The following EIF6 variants were observed in gnomAD, a reference collection of about 807,000 sequenced individuals.
EIF6 encodes eukaryotic translation initiation factor 6.
A neutral mutation model predicts 25.5 loss-of-function variants in EIF6; 10 were observed. The observed-to-expected ratio is 0.39, with a 90% CI of 0.24 to 0.66. The LOEUF (loss-of-function observed/expected upper bound fraction) is 0.66, where lower values mean the gene tolerates loss of function less well. EIF6 is among the 30% of genes least tolerant of loss of function. The probability of loss-of-function intolerance (pLI) is 0.45; values close to 1 mark genes in which losing one functional copy is unlikely to be tolerated. For synonymous variants in EIF6, 122 were observed against 122.6 expected, an observed-to-expected ratio of 1.00 and a Z score of 0.03; for missense variants, 246 against 315.4, an observed-to-expected ratio of 0.78 and a Z score of 1.67.
At chr20:35,281,562 C>T (rs1277623323) in intron 3 of EIF6, among the ~76,000 whole-genome samples, 4 of 152,092 alleles carry the variant, frequency 2.6e-5, no homozygotes, top group South Asian at 2.1e-4. Context: ...TCTCCTGCTT[C>T]GGCCTCCTGA....
intron 3 of EIF6, among the ~76,000 whole-genome samples, chr20:35,281,391 AAAAAAAAC>A (rs571008941): frequency 2.4e-3 from 371 of 151,560 alleles, no homozygotes; most frequent in African/African-American, 8.5e-3. Context: ...GTCTCCAAAA[AAAAAAAAC>A]AAAAAAACAA....
Position 35,280,759 on chromosome 20 carries a change from G to A in EIF6, c.264C>T (p.Leu88=). 2 of 1,614,172 alleles carry A rather than the reference G, an allele frequency of 1.2e-6. No homozygotes were observed. The highest frequency in any genetic ancestry group is 1.7e-6 in the Non-Finnish European group (2 of 1,180,028). Residue 88 remains leucine (L), a synonymous_variant, in exon 4 of 7, where the codon CTC becomes CTT. Transcript: ENST00000374450. ...CCCGCCTAATCTGCACTGTGTCTGG[G>A]AGGCTGTTGCGAATGTGTTGCAGCT... ...DQELQHIRNS[L]PDTVQIRRVE...
Position 35,279,200 on chromosome 20 carries a change from G to A in EIF6, c.735C>T (p.Thr245=). The change falls in exon 7 of 7, where the codon ACC becomes ACT. Residue 245 remains threonine (T), a synonymous_variant. Coordinates refer to ENST00000374450, the MANE Select transcript of EIF6 (RefSeq NM_002212.4). The part of the protein sequence containing the change: ...SMRDSLIDSL[T] The stretch of plus-strand genomic sequence containing the variant: ...ATGGAACAACTTGGAAGGTGACTCA[G>A]GTGAGGCTGAAGAGAAAGGAAAGCG... The A allele has an allele frequency of 6.2e-7, 1 of 1,613,932 alleles. No homozygotes were observed.
Position 35,279,207 on chromosome 20 carries a change from C to T in EIF6, c.729-1G>A. ...AACTTGGAAGGTGACTCAGGTGAGGCTGAAGAGAAAGGAAAGCGCACGGTC... is the reference window on the plus strand; with the variant it reads ...AACTTGGAAGGTGACTCAGGTGAGGTTGAAGAGAAAGGAAAGCGCACGGTC... On this transcript the variant is annotated splice_acceptor_variant, in intron 6 of 6. Coordinates refer to ENST00000374450, the MANE Select transcript of EIF6 (RefSeq NM_002212.4). LOFTEE classifies it high-confidence loss of function. 6.2e-7 allele frequency: 1 copy of T among 1,613,758 alleles called. No individual in the cohort carries two copies. Among genetic ancestry groups the T allele is most frequent in the Non-Finnish European group, 8.5e-7 (1 of 1,179,866 alleles).
intron 1 of EIF6, 32 bp from the exon 2 acceptor site, chr20:35,284,524 G>T: frequency 6.4e-7 from 1 of 1,567,364 alleles, no homozygotes. Flanking sequence ...GTTCAAGGCC[G>T]GCGGATCCTT....
intron 3 of EIF6, 71 bp downstream of exon 3, chr20:35,284,105 G>A (rs1243269710): frequency 1.3e-6 from 2 of 1,507,468 alleles, no homozygotes; most frequent in Admixed American, 4.1e-5. Flanking sequence ...GTCACTCCGG[G>A]TTCCCTCCGG....
At position 35,279,927 on chromosome 20, in the gene EIF6, G is replaced by A. The variant is rs934143137; in HGVS notation, c.546+15C>T. On this transcript the variant is annotated intron_variant, in intron 5 of 6. Transcript: ENST00000374450. ...CTGCCTCGGGAGACGGGGTTCAGAG[G>A]ACAGGAATGCTTACCACAAGGGGGA... 2.5e-6 allele frequency: 4 copies of A among 1,612,094 alleles called. No homozygotes were observed. The highest frequency in any genetic ancestry group is 1.1e-5 in the South Asian group (1 of 91,032).
chr20:35,280,513 T>C, intron 4 of EIF6, 141 bp downstream of exon 4: 1 of 1,013,332 alleles, frequency 9.9e-7, no homozygotes, highest in Non-Finnish European at 1.4e-6. Context: ...TTATCACTAT[T>C]CCAATGAGTA....
At chr20:35,279,827 CCT>C in intron 5 of EIF6, 80 bp from the exon 6 acceptor site, 3 of 1,592,002 alleles carry the variant, frequency 1.9e-6, no homozygotes, top group Non-Finnish European at 2.6e-6. Flanking sequence ...AAACCCTGCT[CCT>C]CCCTGACCTG....
intron 3 of EIF6, among the ~76,000 whole-genome samples, chr20:35,282,800 G>C (rs2060788247): frequency 6.6e-6 from 1 of 151,872 alleles, no homozygotes; most frequent in Admixed American, 6.6e-5. Flanking sequence ...AGTAGAGACG[G>C]GGTTTCTCCA....
At chr20:35,284,013 G>C (rs113084671) in intron 3 of EIF6, among the ~76,000 whole-genome samples, 163 bp downstream of exon 3, 2,135 of 152,306 alleles carry the variant, frequency 0.014, 37 homozygotes, top group African/African-American at 0.038. Flanking sequence ...CTTTGCTAGA[G>C]GGTTGCCCCG....
At chr20:35,279,232 C>T in intron 6 of EIF6, 26 bp from the exon 7 acceptor site, 2 of 1,612,512 alleles carry the variant, frequency 1.2e-6, no homozygotes, top group Middle Eastern at 1.7e-4. Context: ...AGCGCACGGT[C>T]AGTAGCTGTT....
chr20:35,283,879 G>A (rs1429832908), intron 3 of EIF6, among the ~76,000 whole-genome samples: 1 of 152,118 alleles, frequency 6.6e-6, no homozygotes, highest in Non-Finnish European at 1.5e-5. Context: ...CTTAGGTCAA[G>A]TCTCAACTTC....
At chr20:35,284,080 C>T (rs566320963) in intron 3 of EIF6, 96 bp downstream of exon 3, 18 of 1,418,680 alleles carry the variant, frequency 1.3e-5, no homozygotes, top group South Asian at 1.1e-4. Context: ...CAGATGATAC[C>T]CTGGGAATCC....
chr20:35,279,781 A>G, intron 5 of EIF6, 34 bp from the exon 6 acceptor site: 1 of 1,610,948 alleles, frequency 6.2e-7, no homozygotes, highest in South Asian at 1.1e-5. Flanking sequence ...GAGTCACGGC[A>G]CCAAATTCTC....
Position 35,281,305 on chromosome 20 carries a change from G to A in EIF6, c.194-476C>T, listed in dbSNP as rs188048072. ...GGAGGCTGAGGCAGGAGAATGGCGT[G>A]AACCCGGGAGGCGGAGCTTGCAGTG... On this transcript the variant is annotated intron_variant, in intron 3 of 6. Transcript: ENST00000374450. Among the ~76,000 whole-genome samples, 836 of 151,232 alleles carry A rather than the reference G, an allele frequency of 5.5e-3. 3 individuals are homozygous for A. The highest frequency in any genetic ancestry group is 8.9e-3 in the Admixed American group (135 of 15,208).
At position 35,280,895 on chromosome 20, in the gene EIF6, C is replaced by G. The variant is rs139723715; in HGVS notation, c.194-66G>C. On this transcript the variant is annotated intron_variant, in intron 3 of 6. Coordinates refer to ENST00000374450, the MANE Select transcript of EIF6 (RefSeq NM_002212.4). ...TGCTGAGCCCTAGGGGCTGAGGATA[C>G]CACTCAGCCCAGCCCAATCAGCTTT... The G allele has an allele frequency of 3.4e-3, 5,246 of 1,543,578 alleles. 43 individuals carry two copies. Among genetic ancestry groups the G allele is most frequent in the Non-Finnish European group, 2.9e-3 (3,259 of 1,130,016 alleles).
chr20:35,280,601 A>G, intron 4 of EIF6, 53 bp downstream of exon 4: 1 of 1,590,752 alleles, frequency 6.3e-7, no homozygotes, highest in Admixed American at 1.7e-5. Flanking sequence ...AACAGTGGCT[A>G]ACCACTGACT....
Position 35,284,241 on chromosome 20 carries a change from G to GAGA in EIF6, c.125_127dup (p.Leu42_Ser43insPhe). 1 of 1,612,358 alleles carries GAGA rather than the reference G, an allele frequency of 6.2e-7. No individual in the cohort carries two copies. Among genetic ancestry groups the GAGA allele is most frequent in the Non-Finnish European group, 8.5e-7 (1 of 1,179,732 alleles). On this transcript the variant is annotated inframe_insertion, in exon 3 of 7. Coordinates refer to ENST00000374450, the MANE Select transcript of EIF6 (RefSeq NM_002212.4). ...CGCGTGCACCACGGGGATGGTATCG[G>GAGA]AGAGCTCGCCCTCGAACACACTGTA...
Sources: gnomAD v4.1 joint callset for allele counts (sites outside exome capture counted in the v4.1 genomes callset) on GRCh38, gnomAD v4.1.1 for gene constraint, MANE v1.5 for transcripts, NCBI Gene and HGNC (gene_info 2026-07-23, HGNC 2026-07-21) for gene names.